The following SLC13A1 variants were observed in gnomAD, a reference collection of about 807,000 sequenced individuals.
The protein encoded by SLC13A1 is solute carrier family 13 member 1.
In SLC13A1, 65 loss-of-function variants were observed where a neutral mutation model predicts 70.0. The ratio of observed to expected loss-of-function variants is 0.93; its 90% CI spans 0.76 to 1.14. The LOEUF is 1.14. SLC13A1 is among the 50% of genes most tolerant of loss of function. The pLI is 0.00. For missense variants in SLC13A1, 726 were observed against 717.8 expected (o/e 1.01, Z -0.13); for synonymous variants, 275 against 250.5 (o/e 1.10, Z -0.92).
chr7:123,153,345 C>T (rs902872667), intron 6 of SLC13A1, among the ~76,000 whole-genome samples: 1 of 152,056 alleles, frequency 6.6e-6, no homozygotes, highest in Non-Finnish European at 1.5e-5. Context: ...AAAAATTCTA[C>T]AGTAAATGCT....
intron 1 of SLC13A1, among the ~76,000 whole-genome samples, chr7:123,183,803 C>T (rs892615665): frequency 6.6e-6 from 1 of 152,138 alleles, no homozygotes; most frequent in Admixed American, 6.6e-5. Context: ...AATCTGGTTC[C>T]ATACACTTGC....
intron 1 of SLC13A1, among the ~76,000 whole-genome samples, chr7:123,192,464 T>C (rs1796025455): frequency 6.6e-6 from 1 of 152,108 alleles, no homozygotes; most frequent in Non-Finnish European, 1.5e-5. Flanking sequence ...AGAATATAAG[T>C]TTGGCTTTAA....
chr7:123,165,617 G>T (rs1212536681), intron 6 of SLC13A1, among the ~76,000 whole-genome samples: 1 of 151,964 alleles, frequency 6.6e-6, no homozygotes, highest in Non-Finnish European at 1.5e-5. Flanking sequence ...TTATCATATT[G>T]CCCCGCAGTT....
intron 11 of SLC13A1, among the ~76,000 whole-genome samples, chr7:123,124,198 G>A (rs74702047): frequency 0.03 from 4,517 of 152,182 alleles, 158 homozygotes; most frequent in East Asian, 0.16. Context: ...AGGTGGGTAG[G>A]AGCAAGGCTC....
chr7:123,169,969 C>T (rs757142183), intron 3 of SLC13A1, among the ~76,000 whole-genome samples: 2 of 152,040 alleles, frequency 1.3e-5, no homozygotes, highest in Non-Finnish European at 2.9e-5. Context: ...ATATCCTTTC[C>T]TATTGTCAAG....
intron 2 of SLC13A1, among the ~76,000 whole-genome samples, chr7:123,173,993 G>T: frequency 7.3e-5 from 9 of 123,792 alleles, no homozygotes; most frequent in South Asian, 2.7e-4. Flanking sequence ...TTTTCTCCCT[G>T]GTTCTATACC....
At chr7:123,180,093 G>A (rs1231374928) in intron 2 of SLC13A1, among the ~76,000 whole-genome samples, 1 of 152,072 alleles carries the variant, frequency 6.6e-6, no homozygotes, top group Non-Finnish European at 1.5e-5. Flanking sequence ...GAAGTTAGGT[G>A]GGAGGGGAAA....
At chr7:123,155,593 T>C (rs1290730177) in intron 6 of SLC13A1, among the ~76,000 whole-genome samples, 1 of 152,124 alleles carries the variant, frequency 6.6e-6, no homozygotes, top group Non-Finnish European at 1.5e-5. Flanking sequence ...TATCCAGGAA[T>C]TTTTGGTTGT....
chr7:123,155,184 T>C (rs1323454837), intron 6 of SLC13A1, among the ~76,000 whole-genome samples: 1 of 152,024 alleles, frequency 6.6e-6, no homozygotes, highest in East Asian at 1.9e-4. Context: ...AAACTTGTAC[T>C]CTTCCATTGT....
chr7:123,177,306 C>T (rs545590733), intron 2 of SLC13A1, among the ~76,000 whole-genome samples: 21 of 152,230 alleles, frequency 1.4e-4, no homozygotes, highest in Admixed American at 2.6e-4. Flanking sequence ...CATTCAATAT[C>T]TCTACTACTG....
intron 2 of SLC13A1, among the ~76,000 whole-genome samples, chr7:123,179,571 G>A (rs1313455360): frequency 6.6e-6 from 1 of 152,126 alleles, no homozygotes; most frequent in African/African-American, 2.4e-5. Flanking sequence ...CCTTTAGTCA[G>A]GCCCTTACAC....
At chr7:123,148,146 G>A (rs2116423976) in intron 6 of SLC13A1, among the ~76,000 whole-genome samples, 1 of 152,102 alleles carries the variant, frequency 6.6e-6, no homozygotes, top group Non-Finnish European at 1.5e-5. Context: ...TTTTTTTTAA[G>A]GATCATGTAA....
At chr7:123,150,221 C>A (rs1224680769) in intron 6 of SLC13A1, among the ~76,000 whole-genome samples, 1 of 152,128 alleles carries the variant, frequency 6.6e-6, no homozygotes, top group African/African-American at 2.4e-5. Context: ...AATGGTCCTT[C>A]TCAGTCTTTA....
chr7:123,175,603 G>A (rs1474598462), intron 2 of SLC13A1, among the ~76,000 whole-genome samples: 5 of 152,058 alleles, frequency 3.3e-5, no homozygotes, highest in African/African-American at 4.8e-5. Flanking sequence ...GCCATCTATG[G>A]AGCAGACAGC....
chr7:123,139,027 T>C (rs1160091026), intron 7 of SLC13A1, among the ~76,000 whole-genome samples: 2 of 152,144 alleles, frequency 1.3e-5, no homozygotes, highest in Admixed American at 1.3e-4. Flanking sequence ...CGATGTTTTC[T>C]TGTAGTAGTT....
chr7:123,163,235 A>G (rs1392425343), intron 6 of SLC13A1, among the ~76,000 whole-genome samples: 1 of 152,046 alleles, frequency 6.6e-6, no homozygotes, highest in Non-Finnish European at 1.5e-5. Flanking sequence ...TGTCAGTGTA[A>G]TTTTAGGATA....
intron 12 of SLC13A1, among the ~76,000 whole-genome samples, chr7:123,120,020 C>T (rs1462104345): frequency 2.0e-5 from 3 of 151,996 alleles, no homozygotes; most frequent in Admixed American, 2.0e-4. Context: ...TAAAAAACTC[C>T]CCACAAATAG....
At chr7:123,182,101 G>A (rs1563352598) in intron 1 of SLC13A1, among the ~76,000 whole-genome samples, 1 of 152,078 alleles carries the variant, frequency 6.6e-6, no homozygotes, top group Non-Finnish European at 1.5e-5. Context: ...CTATTTAAAG[G>A]AGAAAGAATG....
intron 6 of SLC13A1, among the ~76,000 whole-genome samples, chr7:123,147,927 G>T (rs572791450): frequency 6.6e-6 from 1 of 151,910 alleles, no homozygotes; most frequent in Admixed American, 6.6e-5. Flanking sequence ...GTTGATACTG[G>T]TGGTACATAC....
Sources: gnomAD v4.1 joint callset for allele counts (sites outside exome capture counted in the v4.1 genomes callset) on GRCh38, gnomAD v4.1.1 for gene constraint, MANE v1.5 for transcripts, NCBI Gene and HGNC (gene_info 2026-07-23, HGNC 2026-07-21) for gene names.